The following FAM237A variants were observed in gnomAD, a reference collection of about 807,000 sequenced individuals.
FAM237A encodes the protein family with sequence similarity 237 member A, also known as protein FAM237A.
A neutral mutation model predicts 12.5 loss-of-function variants in FAM237A; 14 were observed. The observed-to-expected ratio is 1.12, with a 90% CI of 0.74 to 1.75. The LOEUF (loss-of-function observed/expected upper bound fraction) is 1.75. FAM237A is among the 40% of genes most tolerant of loss of function. The pLI is 0.00. For synonymous variants in FAM237A, 85 were observed against 77.5 expected, an observed-to-expected ratio of 1.10 and a Z score of -0.51; for missense variants, 240 against 211.7, an observed-to-expected ratio of 1.13 and a Z score of -0.83.
Position 206,644,560 on chromosome 2 carries a change from T to C in FAM237A, c.324T>C (p.Ser108=). The C allele has an allele frequency of 6.2e-7, 1 of 1,613,732 alleles. No individual in the cohort carries two copies. Among genetic ancestry groups the C allele is most frequent in the South Asian group, 1.1e-5 (1 of 90,966 alleles). Residue 108 remains serine (S), a synonymous_variant, in exon 2 of 3, where the codon TCT becomes TCC. Coordinates refer to ENST00000441223, the MANE Select transcript of FAM237A (RefSeq NM_001102659.3). ...ACATCTATGTGGACTGTGTGCTCTC[T>C]AGGAACCATGGCTTAGGAAGGAGGC... is the stretch of plus-strand genomic sequence containing the variant. ...FWDIYVDCVL[S]RNHGLGRRQL...
At chr2:206,647,593 G>C (rs1699331949) in intron 2 of FAM237A, among the ~76,000 whole-genome samples, 2 of 150,596 alleles carry the variant, frequency 1.3e-5, no homozygotes, top group East Asian at 3.9e-4. Context: ...GATGGGTTAT[G>C]TTAAGGGAGA....
intron 2 of FAM237A, among the ~76,000 whole-genome samples, chr2:206,647,659 AC>A (rs1699333941): frequency 6.6e-6 from 1 of 151,400 alleles, no homozygotes; most frequent in Non-Finnish European, 1.5e-5. Context: ...ACACACACAC[AC>A]ACACACAGAG....
intron 1 of FAM237A, chr2:206,643,588 T>C (rs966283179): frequency 1.3e-5 from 2 of 152,192 alleles, no homozygotes; most frequent in African/African-American, 2.4e-5. Flanking sequence ...ATGAAAGTTA[T>C]ATCAGAATTG....
Position 206,648,808 on chromosome 2 carries a change from C to A in FAM237A, c.*14C>A. ...AAGAGAAAATAAATTGAACTCGGAGCTAATTCATGCCTTGGAATTAAATAT... is the reference window on the plus strand; with the variant it reads ...AAGAGAAAATAAATTGAACTCGGAGATAATTCATGCCTTGGAATTAAATAT... On this transcript the variant is annotated 3_prime_UTR_variant, in exon 3 of 3. Coordinates refer to ENST00000441223, the MANE Select transcript of FAM237A (RefSeq NM_001102659.3). 1 of 1,514,120 alleles carries A rather than the reference C, an allele frequency of 6.6e-7. No homozygotes were observed. The highest frequency in any genetic ancestry group is 8.8e-7 in the Non-Finnish European group (1 of 1,130,560). 93.8% of individuals were successfully genotyped at this position (1,514,120 alleles called of 1,614,324 possible). A position where few individuals can be genotyped will look rare whatever the true frequency, so the allele number is the denominator to read the frequency against.
At chr2:206,648,012 T>A (rs1298844251) in intron 2 of FAM237A, among the ~76,000 whole-genome samples, 1 of 152,190 alleles carries the variant, frequency 6.6e-6, no homozygotes, top group Admixed American at 6.5e-5. Flanking sequence ...TGCTTATATT[T>A]TAAACACTAA....
chr2:206,645,565 A>G (rs1699307893), intron 2 of FAM237A, among the ~76,000 whole-genome samples: 1 of 152,214 alleles, frequency 6.6e-6, no homozygotes, highest in Non-Finnish European at 1.5e-5. Flanking sequence ...ACATTTGTAC[A>G]TTTTAGTGTT....
chr2:206,644,736 G>A, intron 2 of FAM237A, 88 bp downstream of exon 2: 1 of 1,265,406 alleles, frequency 7.9e-7, no homozygotes, highest in Non-Finnish European at 1.1e-6. Context: ...TGGCATTAGG[G>A]GAATCCAGTG....
intron 2 of FAM237A, among the ~76,000 whole-genome samples, chr2:206,645,078 T>C (rs1213426794): frequency 6.6e-6 from 1 of 152,224 alleles, no homozygotes; most frequent in Non-Finnish European, 1.5e-5. Flanking sequence ...GCACACAAAT[T>C]CTTGCCCTTG....
Position 206,644,255 on chromosome 2 carries a change from A to G in FAM237A, c.19A>G (p.Arg7Gly). Reference protein sequence around the residue: MADPGNRGGIHRPLSFT... With the variant: MADPGNGGGIHRPLSFT... Reference sequence around the variant, plus strand: ...TAGGGCCATGGCTGATCCTGGGAACAGAGGAGGGATCCACCGCCCCTTGAG... The same window carrying G: ...TAGGGCCATGGCTGATCCTGGGAACGGAGGAGGGATCCACCGCCCCTTGAG... Residue 7 changes from arginine (R) to glycine (G), a missense_variant, in exon 2 of 3, where the codon AGA becomes GGA. By Grantham distance (125) the Arg-to-Gly change is moderately radical. Coordinates refer to ENST00000441223, the MANE Select transcript of FAM237A (RefSeq NM_001102659.3). The G allele has an allele frequency of 1.2e-6, 2 of 1,604,866 alleles. No individual in the cohort carries two copies. Among genetic ancestry groups the G allele is most frequent in the Non-Finnish European group, 8.5e-7 (1 of 1,175,204 alleles).
chr2:206,645,645 C>T (rs1436910787), intron 2 of FAM237A, among the ~76,000 whole-genome samples: 2 of 152,144 alleles, frequency 1.3e-5, no homozygotes, highest in African/African-American at 4.8e-5. Context: ...TAGTGCTACC[C>T]TTTCCCAAGA....
Position 206,644,214 on chromosome 2 carries a change from C to T in FAM237A, c.-10-13C>T. ...AAGCGGGGACTGATAAGAAATATTT[C>T]CATCCTGTGCAGTTTTAGGGCCATG... On this transcript the variant is annotated splice_polypyrimidine_tract_variant and intron_variant, in intron 1 of 2. Coordinates refer to ENST00000441223, the MANE Select transcript of FAM237A (RefSeq NM_001102659.3). The T allele has an allele frequency of 6.4e-7, 1 of 1,556,212 alleles. No individual in the cohort carries two copies. The highest frequency in any genetic ancestry group is 8.7e-7 in the Non-Finnish European group (1 of 1,153,050).
intron 2 of FAM237A, 110 bp downstream of exon 2, chr2:206,644,758 C>G: frequency 9.0e-7 from 1 of 1,110,628 alleles, no homozygotes; most frequent in East Asian, 2.6e-5. Flanking sequence ...CATATATATT[C>G]CTCTCAAGAG....
At chr2:206,646,227 C>T (rs13417788) in intron 2 of FAM237A, among the ~76,000 whole-genome samples, 2,906 of 151,704 alleles carry the variant, frequency 0.019, 105 homozygotes, top group African/African-American at 0.067. Flanking sequence ...GGCGTGAACC[C>T]GGGAGGCGGA....
intron 1 of FAM237A, among the ~76,000 whole-genome samples, chr2:206,643,046 G>A (rs1699273920): frequency 6.6e-6 from 1 of 152,114 alleles, no homozygotes; most frequent in South Asian, 2.1e-4. Flanking sequence ...CTTCAATATA[G>A]GAACATGCAT....
intron 2 of FAM237A, among the ~76,000 whole-genome samples, chr2:206,645,950 T>G (rs541339802): frequency 2.3e-5 from 3 of 132,766 alleles, no homozygotes; most frequent in South Asian, 2.2e-4. Flanking sequence ...CAGACCATGG[T>G]TTTTTTTTTT....
chr2:206,647,632 GACACACACACAC>G (rs34672675), intron 2 of FAM237A, among the ~76,000 whole-genome samples: 10 of 139,656 alleles, frequency 7.2e-5, no homozygotes, highest in East Asian at 6.6e-4. Flanking sequence ...GAGACACACA[GACACACACACAC>G]ACACACACAC....
intron 2 of FAM237A, among the ~76,000 whole-genome samples, chr2:206,647,949 A>G (rs528412948): frequency 1.6e-4 from 24 of 152,334 alleles, no homozygotes; most frequent in Non-Finnish European, 3.2e-4. Context: ...ATTTAGATTT[A>G]TAATCTGATG....
chr2:206,647,080 T>C (rs1282005993), intron 2 of FAM237A, among the ~76,000 whole-genome samples: 1 of 152,232 alleles, frequency 6.6e-6, no homozygotes, highest in African/African-American at 2.4e-5. Context: ...ATAAAACTCC[T>C]ATGTAATTTT....
rs557020652 is a variant in FAM237A, at chr2:206,643,381, T to C, written c.-11+799T>C. ...AAAAAAGTGAACATTTGGGTTATTATTATTTCAAGAGCATCGTTTATCATT... is the reference window on the plus strand; with the variant it reads ...AAAAAAGTGAACATTTGGGTTATTACTATTTCAAGAGCATCGTTTATCATT... On this transcript the variant is annotated intron_variant, in intron 1 of 2. Transcript: ENST00000441223. 5.3e-5 allele frequency: 8 copies of C among 152,340 alleles called. No individual in the cohort carries two copies. The East Asian group carries it at 9.6e-4, about 18-fold the overall frequency. The allele number at this position is 152,340 out of a possible 1,614,324, so 9.4% of individuals were successfully genotyped here. A position where few individuals can be genotyped will look rare whatever the true frequency, so the allele number is the denominator to read the frequency against.
Sources: allele counts gnomAD v4.1 joint callset (sites outside exome capture counted in the v4.1 genomes callset), GRCh38; gene constraint gnomAD v4.1.1; transcripts MANE v1.5; gene names NCBI Gene and HGNC (gene_info 2026-07-23, HGNC 2026-07-21).